Variants in REDIC1 observed in about 807,000 individuals in gnomAD.
REDIC1 encodes regulator of DNA class I crossover intermediates 1.
the REDIC1 span, among the ~76,000 whole-genome samples, chr12:39,891,608 ATGAG>A: frequency 6.6e-6 from 1 of 152,170 alleles, no homozygotes; most frequent in Non-Finnish European, 1.5e-5. Flanking sequence ...CTTGGAAATA[ATGAG>A]TATCATTTTC....
the REDIC1 span, chr12:39,864,835 C>T: frequency 1.2e-6 from 2 of 1,613,662 alleles, no homozygotes; most frequent in African/African-American, 2.7e-5. Context: ...GAAACTTGGG[C>T]TGATAGCACA....
chr12:39,711,807 G>GTA, the REDIC1 span, among the ~76,000 whole-genome samples: 3 of 98,002 alleles, frequency 3.1e-5, no homozygotes, highest in African/African-American at 3.5e-5. Flanking sequence ...ACATGCATGT[G>GTA]TATGTGTGTA....
the REDIC1 span, chr12:39,684,850 GTATT>G: frequency 5.0e-6 from 8 of 1,589,170 alleles, no homozygotes; most frequent in Middle Eastern, 8.3e-4. Flanking sequence ...TTGATACTGT[GTATT>G]TATAATCCTT....
At chr12:39,706,433 T>C in the REDIC1 span, among the ~76,000 whole-genome samples, 2 of 151,998 alleles carry the variant, frequency 1.3e-5, no homozygotes, top group Non-Finnish European at 2.9e-5. Flanking sequence ...AATGACATTA[T>C]TAACAGAAAT....
At chr12:39,811,915 G>A in the REDIC1 span, among the ~76,000 whole-genome samples, 2 of 152,044 alleles carry the variant, frequency 1.3e-5, no homozygotes, top group East Asian at 3.9e-4. Flanking sequence ...TCTTTTATTG[G>A]AGTTTCTAAA....
the REDIC1 span, among the ~76,000 whole-genome samples, chr12:39,874,708 T>C: frequency 6.6e-6 from 1 of 151,692 alleles, no homozygotes; most frequent in South Asian, 2.1e-4. Flanking sequence ...TTGAATGTAA[T>C]GCTCTATGTT....
chr12:39,799,254 CTTTTTTTT>C, the REDIC1 span, among the ~76,000 whole-genome samples: 111 of 113,264 alleles, frequency 9.8e-4, 1 homozygote, highest in East Asian at 4.2e-3. Context: ...TATGCTTAGC[CTTTTTTTT>C]TTTTTTTTTT....
chr12:39,706,996 C>T, the REDIC1 span, among the ~76,000 whole-genome samples: 1 of 151,668 alleles, frequency 6.6e-6, no homozygotes. Flanking sequence ...CAAAAATGGA[C>T]AAACAGGATC....
chr12:39,695,354 C>T, the REDIC1 span, among the ~76,000 whole-genome samples: 1 of 152,232 alleles, frequency 6.6e-6, no homozygotes, highest in Non-Finnish European at 1.5e-5. Flanking sequence ...CTGCCCTGGA[C>T]CAGAGGGGAG....
At chr12:39,727,307 C>T in the REDIC1 span, among the ~76,000 whole-genome samples, 1 of 151,942 alleles carries the variant, frequency 6.6e-6, no homozygotes, top group African/African-American at 2.4e-5. Flanking sequence ...GTCCTTAATC[C>T]ATCTTGAGTT....
the REDIC1 span, among the ~76,000 whole-genome samples, chr12:39,867,023 T>C: frequency 1.3e-5 from 2 of 152,186 alleles, no homozygotes; most frequent in Non-Finnish European, 2.9e-5. Context: ...GTTTGAGCCA[T>C]TACTTTTCTC....
the REDIC1 span, chr12:39,721,081 C>A: frequency 6.2e-7 from 1 of 1,613,672 alleles, no homozygotes; most frequent in Non-Finnish European, 8.5e-7. Context: ...TGCAGGGATA[C>A]AAACAGAGAG....
At chr12:39,822,063 TC>T in the REDIC1 span, among the ~76,000 whole-genome samples, 1 of 76,454 alleles carries the variant, frequency 1.3e-5, no homozygotes, top group Non-Finnish European at 2.5e-5. Context: ...ATGCTATCCC[TC>T]CCCCCTCCCC....
chr12:39,883,946 T>TCCAGG, the REDIC1 span, among the ~76,000 whole-genome samples: 80 of 152,288 alleles, frequency 5.3e-4, no homozygotes, highest in East Asian at 0.014. Context: ...TCAAAACGTT[T>TCCAGG]AGACAGACTA....
chr12:39,652,521 G>A, the REDIC1 span, among the ~76,000 whole-genome samples: 4 of 152,098 alleles, frequency 2.6e-5, no homozygotes, highest in Non-Finnish European at 5.9e-5. Context: ...TTAGCCATGT[G>A]TGACTCTGGT....
chr12:39,817,022 A>G, the REDIC1 span, among the ~76,000 whole-genome samples: 2 of 152,322 alleles, frequency 1.3e-5, no homozygotes, highest in South Asian at 4.1e-4. Flanking sequence ...ACCAAGAACC[A>G]CAAATGCCTT....
At chr12:39,661,050 C>T in the REDIC1 span, among the ~76,000 whole-genome samples, 2 of 152,092 alleles carry the variant, frequency 1.3e-5, no homozygotes, top group African/African-American at 4.8e-5. Context: ...GTTATCCGTT[C>T]ATCTACTGAA....
At chr12:39,659,965 C>T in the REDIC1 span, among the ~76,000 whole-genome samples, 1 of 152,024 alleles carries the variant, frequency 6.6e-6, no homozygotes, top group African/African-American at 2.4e-5. Context: ...TCAAGCAGGA[C>T]CAATAAGCCT....
chr12:39,668,062 T>C, the REDIC1 span, among the ~76,000 whole-genome samples: 10 of 152,318 alleles, frequency 6.6e-5, no homozygotes, highest in East Asian at 1.9e-3. Flanking sequence ...TTTAGCCCAT[T>C]TACATTTAAG....
Sources: allele counts gnomAD v4.1 joint callset (sites outside exome capture counted in the v4.1 genomes callset), GRCh38; gene constraint gnomAD v4.1.1; transcripts MANE v1.5; gene names NCBI Gene and HGNC (gene_info 2026-07-23, HGNC 2026-07-21).